The following SHLD1 variants were observed in gnomAD, a reference collection of about 807,000 sequenced individuals.
The protein encoded by SHLD1 is shieldin complex subunit 1.
In SHLD1, 3 loss-of-function variants were observed where a neutral mutation model predicts 5.5. The ratio of observed to expected loss-of-function variants is 0.54; its 90% confidence interval spans 0.25 to 1.40. The LOEUF (loss-of-function observed/expected upper bound fraction) is 1.40, where lower values mean the gene tolerates loss of function less well. Among genes scored for constraint, SHLD1 ranks in the 40% most tolerant of loss-of-function variants. The pLI is 0.15. For synonymous variants in SHLD1, 92 were observed against 94.3 expected, an observed-to-expected ratio of 0.98 and a Z score of 0.14; for missense variants, 210 against 244.4, an observed-to-expected ratio of 0.86 and a Z score of 0.94.
At chr20:5,857,654 GA>G (rs147863359) in intron 2 of SHLD1, among the ~76,000 whole-genome samples, 2,458 of 151,280 alleles carry the variant, frequency 0.016, 67 homozygotes, top group African/African-American at 0.056. Flanking sequence ...ACAAAAAATA[GA>G]AAAAAGTTAG....
intron 2 of SHLD1, among the ~76,000 whole-genome samples, chr20:5,831,850 G>A (rs2087732122): frequency 6.6e-6 from 1 of 152,186 alleles, no homozygotes; most frequent in Non-Finnish European, 1.5e-5. Flanking sequence ...CTTCTACAGA[G>A]GGAAGCTCTT....
At chr20:5,800,965 T>C (rs1211785476) in intron 2 of SHLD1, among the ~76,000 whole-genome samples, 1 of 152,164 alleles carries the variant, frequency 6.6e-6, no homozygotes, top group African/African-American at 2.4e-5. Flanking sequence ...TATGCTGTGG[T>C]AACAACTCCC....
intron 1 of SHLD1, chr20:5,771,828 T>C (rs190215): frequency 0.22 from 46,452 of 213,158 alleles, 6,240 homozygotes; most frequent in African/African-American, 0.27. Flanking sequence ...AGGCATATGA[T>C]TTTTTTCTTT....
chr20:5,854,872 C>CTTTTTTTTTTTTTTTTTTTTT (rs55776293), intron 2 of SHLD1, among the ~76,000 whole-genome samples: 2 of 130,034 alleles, frequency 1.5e-5, no homozygotes, highest in Non-Finnish European at 1.5e-5. Flanking sequence ...CTCTATGACT[C>CTTTTTTTTTTTTTTTTTTTTT]TTTTTTTTTT....
intron 2 of SHLD1, among the ~76,000 whole-genome samples, chr20:5,843,435 C>T (rs2087891073): frequency 6.6e-6 from 1 of 151,650 alleles, no homozygotes; most frequent in Non-Finnish European, 1.5e-5. Flanking sequence ...TTTTACAAGG[C>T]GTATTTTGTT....
intron 2 of SHLD1, among the ~76,000 whole-genome samples, chr20:5,791,763 T>C (rs912646489): frequency 1.4e-4 from 22 of 152,044 alleles, no homozygotes; most frequent in Non-Finnish European, 2.6e-4. Flanking sequence ...GTTTCTACAA[T>C]ATGTAAAGAA....
chr20:5,863,247 C>T lies in SHLD1; in HGVS notation c.402C>T (p.Gly134=). 3.7e-6 allele frequency: 6 copies of T among 1,614,180 alleles called. No individual in the cohort carries two copies. The highest frequency in any genetic ancestry group is 5.1e-6 in the Non-Finnish European group (6 of 1,180,036). ...CLSQKITQLR[G]QESQKYALRS... is the part of the protein sequence containing the mutation. ...CTCAGAAAATCACTCAACTAAGAGG[C>T]CAGGAGAGCCAAAAGTATGCCCTCC... is the stretch of plus-strand genomic sequence containing the variant. The change falls in exon 3 of 3, where the codon GGC becomes GGT. Residue 134 remains glycine (G), a synonymous_variant. Coordinates refer to ENST00000303142, the MANE Select transcript of SHLD1 (RefSeq NM_152504.4).
intron 2 of SHLD1, among the ~76,000 whole-genome samples, chr20:5,817,420 CTCTCTCTCTCTCTGTGTG>C (rs1330676273): frequency 2.3e-5 from 3 of 131,438 alleles, no homozygotes; most frequent in African/African-American, 1.1e-4. Flanking sequence ...CTCTCTCTCT[CTCTCTCTCTCTCTGTGTG>C]TGTGTGTGTG....
chr20:5,855,654 G>A lies in SHLD1; in HGVS notation c.179-7370G>A, dbSNP rs1003634844. On this transcript the variant is annotated intron_variant, in intron 2 of 2. Coordinates refer to ENST00000303142, the MANE Select transcript of SHLD1 (RefSeq NM_152504.4). The surrounding 1 kb of genome is among the most constrained non-coding windows in gnomAD (Gnocchi z 4.4). ...CCCAAAGTGCTGGGATTATAGACAT[G>A]AGCCGCCGCACCTGGCCTGCCAACC... Among the ~76,000 whole-genome samples the A allele has an allele frequency of 1.3e-5, 2 of 152,196 alleles. No individual in the cohort carries two copies. Among genetic ancestry groups the A allele is most frequent in the Admixed American group, 6.5e-5 (1 of 15,280 alleles).
rs550527119 is a variant in SHLD1, at chr20:5,810,373, T to C, written c.178+37330T>C. On this transcript the variant is annotated intron_variant, in intron 2 of 2. Transcript: ENST00000303142. ...ATTAGGCTAGGTGGCAATTAGGAGA[T>C]AGGTGTTCTAATCTCATTATTGCCT... Among the ~76,000 whole-genome samples, 95 of 152,158 alleles carry C rather than the reference T, an allele frequency of 6.2e-4. 3 individuals carry two copies. In the South Asian group the frequency reaches 0.019, roughly 30 times the overall value.
Position 5,852,415 on chromosome 20 carries a change from C to CCCTTCCTTCCTACCTTCCTTCCTTCCTT in SHLD1, c.179-10598_179-10597insACCTTCCTTCCTTCCTTCCTTCCTTCCT, listed in dbSNP as rs1555777909. Among the ~76,000 whole-genome samples the CCCTTCCTTCCTACCTTCCTTCCTTCCTT allele has an allele frequency of 1.7e-4, 26 of 150,104 alleles. 1 individual carries two copies. Among genetic ancestry groups the CCCTTCCTTCCTACCTTCCTTCCTTCCTT allele is most frequent in the African/African-American group, 5.5e-4 (22 of 40,104 alleles). ...CTTCCTTTCCTTCCTTCCTTTCCCT[C>CCCTTCCTTCCTACCTTCCTTCCTTCCTT]CCTTCCTTCCTTCCTTCCTTCCTTC... On this transcript the variant is annotated intron_variant, in intron 2 of 2. Transcript: ENST00000303142.
intron 2 of SHLD1, among the ~76,000 whole-genome samples, chr20:5,826,241 A>T (rs1373485930): frequency 2.6e-5 from 4 of 152,214 alleles, no homozygotes. Context: ...CTCCTGTAGG[A>T]AAAAATTATC....
chr20:5,764,597 G>A (rs912351411), intron 1 of SHLD1, among the ~76,000 whole-genome samples: 21 of 151,058 alleles, frequency 1.4e-4, no homozygotes, highest in Admixed American at 2.6e-4. Context: ...TACTCAGGAA[G>A]CCAACACAGG....
chr20:5,763,878 G>A (rs1355165295), intron 1 of SHLD1, among the ~76,000 whole-genome samples: 1 of 149,896 alleles, frequency 6.7e-6, no homozygotes, highest in Admixed American at 6.7e-5. Context: ...AGAGGCTGAG[G>A]TGGGTGGATC....
Position 5,852,829 on chromosome 20 carries a change from A to G in SHLD1, c.179-10195A>G, listed in dbSNP as rs762442123. Among the ~76,000 whole-genome samples, 6 of 152,260 alleles carry G rather than the reference A, an allele frequency of 3.9e-5. No individual in the cohort carries two copies. In the South Asian group the frequency reaches 6.2e-4, roughly 16 times the overall value. On this transcript the variant is annotated intron_variant, in intron 2 of 2. Transcript: ENST00000303142. ...AGTTTTTTAAAAAAATCCTTGAACTATGTCAGTCTTTAGGAAATATCCCCG... is the reference window on the plus strand; with the variant it reads ...AGTTTTTTAAAAAAATCCTTGAACTGTGTCAGTCTTTAGGAAATATCCCCG...
At chr20:5,798,559 CCCA>C (rs1281898410) in intron 2 of SHLD1, among the ~76,000 whole-genome samples, 1 of 151,100 alleles carries the variant, frequency 6.6e-6, no homozygotes, top group Non-Finnish European at 1.5e-5. Flanking sequence ...GCCTCGGCCT[CCCA>C]AAGTGCTGGG....
chr20:5,822,926 A>T (rs2087623264), intron 2 of SHLD1, among the ~76,000 whole-genome samples: 1 of 149,816 alleles, frequency 6.7e-6, no homozygotes, highest in Non-Finnish European at 1.5e-5. Flanking sequence ...GTCTATACTC[A>T]CTCTCTCCAC....
intron 2 of SHLD1, among the ~76,000 whole-genome samples, chr20:5,833,355 C>T (rs6038297): frequency 0.087 from 13,302 of 152,040 alleles, 1,634 homozygotes; most frequent in African/African-American, 0.27. Flanking sequence ...TTCGGACTTC[C>T]GAAATGTTGA....
intron 2 of SHLD1, among the ~76,000 whole-genome samples, chr20:5,831,059 T>C (rs1265387549): frequency 6.6e-6 from 1 of 151,764 alleles, no homozygotes; most frequent in Admixed American, 6.6e-5. Flanking sequence ...TAAGGAAGAG[T>C]TGGTCACCAT....
Sources: gnomAD v4.1 joint callset for allele counts (sites outside exome capture counted in the v4.1 genomes callset) on GRCh38, gnomAD v4.1.1 for gene constraint, Gnocchi (gnomAD v3.1) non-coding constraint, MANE v1.5 for transcripts, NCBI Gene and HGNC (gene_info 2026-07-23, HGNC 2026-07-21) for gene names.